The following SHANK2 variants were observed in gnomAD, a reference collection of about 807,000 sequenced individuals.
SHANK2 encodes the protein SH3 and multiple ankyrin repeat domains 2.
A neutral mutation model predicts 133.7 loss-of-function variants in SHANK2; 43 were observed. That is an observed-to-expected ratio of 0.32 (90% CI 0.25 to 0.41). SHANK2 has a LOEUF of 0.41. Ranked by LOEUF, SHANK2 falls within the 10% of genes least tolerant of loss-of-function variation. The pLI is 1.00. For missense variants in SHANK2, 1,994 were observed against 2,235.8 expected, an observed-to-expected ratio of 0.89 and a Z score of 2.18; for synonymous variants, 1,017 against 952.8, an observed-to-expected ratio of 1.07 and a Z score of -1.24.
At position 71,122,118 on chromosome 11, in the gene SHANK2, C is replaced by T. The variant is rs1446251281; in HGVS notation, c.208-3086G>A. Among the ~76,000 whole-genome samples, 12 of 152,276 alleles carry T rather than the reference C, an allele frequency of 7.9e-5. No homozygotes were observed. The South Asian group carries it at 1.7e-3, about 21-fold the overall frequency. On this transcript the variant is annotated intron_variant, in intron 3 of 25. Coordinates refer to ENST00000601538, the MANE Select transcript of SHANK2 (RefSeq NM_012309.5). ...CCTCAAGGATCTAGAACTAGCAATACCATTTGACCCAGTGATCCCATTACT... is the reference window on the plus strand; with the variant it reads ...CCTCAAGGATCTAGAACTAGCAATATCATTTGACCCAGTGATCCCATTACT...
At chr11:70,540,117 CCAATTTCCAAG>C in intron 17 of SHANK2, among the ~76,000 whole-genome samples, 1 of 152,296 alleles carries the variant, frequency 6.6e-6, no homozygotes, top group African/African-American at 2.4e-5. Flanking sequence ...TCGCAATGTC[CCAATTTCCAAG>C]CAAGACCTCA....
intron 2 of SHANK2, among the ~76,000 whole-genome samples, chr11:71,148,960 C>T (rs1176525252): frequency 7.1e-6 from 1 of 139,994 alleles, no homozygotes; most frequent in African/African-American, 3.1e-5. Flanking sequence ...AGTTCCCTCT[C>T]GGAGGAAGAC....
rs1017756912 is a variant in SHANK2 at position 71,198,478 on chromosome 11, A to G, written c.-13+26219T>C. On this transcript the variant is annotated intron_variant, in intron 2 of 25. Transcript: ENST00000601538. ...CGGGGCCTCCAAGAAGGGTTTCTGC[A>G]CCCTTGAGAAACAGCCCCACAGGAA... Among the ~76,000 whole-genome samples the G allele has an allele frequency of 3.9e-4, 60 of 152,110 alleles. 1 individual carries two copies. The highest frequency in any genetic ancestry group is 1.3e-3 in the African/African-American group (54 of 41,408).
intron 11 of SHANK2, among the ~76,000 whole-genome samples, chr11:70,870,711 T>C (rs1243979884): frequency 6.6e-6 from 1 of 152,206 alleles, no homozygotes; most frequent in African/African-American, 2.4e-5. Flanking sequence ...CACCCAGAGC[T>C]CTGCCTTCAT....
intron 14 of SHANK2, among the ~76,000 whole-genome samples, chr11:70,764,518 T>C (rs1443057313): frequency 7.2e-6 from 1 of 138,254 alleles, no homozygotes; most frequent in African/African-American, 2.7e-5. Flanking sequence ...TCTATCCATC[T>C]ATCCATTCAC....
intron 7 of SHANK2, 55 bp downstream of exon 7, chr11:71,094,482 G>A: frequency 1.3e-6 from 2 of 1,510,452 alleles, no homozygotes; most frequent in African/African-American, 1.4e-5. Context: ...GGATGGGGCA[G>A]CCGCACGGAA....
chr11:71,235,300 A>G (rs1555123557), intron 1 of SHANK2, among the ~76,000 whole-genome samples: 1 of 151,976 alleles, frequency 6.6e-6, no homozygotes, highest in East Asian at 1.9e-4. Flanking sequence ...GCTCTATAAA[A>G]ACTCTTGCAC....
At chr11:71,078,593 C>T (rs2135994003) in intron 8 of SHANK2, among the ~76,000 whole-genome samples, 1 of 152,290 alleles carries the variant, frequency 6.6e-6, no homozygotes, top group South Asian at 2.1e-4. Flanking sequence ...GGGACTCAGA[C>T]ACCGGACCAA....
At chr11:70,927,506 C>A (rs1555081800) in intron 10 of SHANK2, among the ~76,000 whole-genome samples, 1 of 151,886 alleles carries the variant, frequency 6.6e-6, no homozygotes, top group Non-Finnish European at 1.5e-5. Context: ...CGAGTCAACA[C>A]AAGGAAAAGA....
At chr11:70,943,421 C>T (rs1555084734) in intron 10 of SHANK2, among the ~76,000 whole-genome samples, 1 of 152,196 alleles carries the variant, frequency 6.6e-6, no homozygotes, top group Non-Finnish European at 1.5e-5. Flanking sequence ...CTTGAAGCAC[C>T]TTGAGAACTA....
chr11:70,688,396 G>A (rs1009523500), intron 15 of SHANK2, among the ~76,000 whole-genome samples: 2 of 152,272 alleles, frequency 1.3e-5, no homozygotes, highest in Middle Eastern at 3.4e-3. Context: ...TGGCCAGGTC[G>A]GAGCACACCT....
chr11:70,500,719 G>T lies in SHANK2; in HGVS notation c.2288-129C>A. 7.8e-7 allele frequency: 1 copy of T among 1,277,840 alleles called. No individual in the cohort carries two copies. Among genetic ancestry groups the T allele is most frequent in the Middle Eastern group, 1.8e-4 (1 of 5,446 alleles). 79.2% of individuals were successfully genotyped at this position (1,277,840 alleles called of 1,614,324 possible). ...GCCGGCAATGGGGCGGCAGGCAGGGGCTGTCTGGAACGCTGCGAACGCAGG... is the reference window on the plus strand; with the variant it reads ...GCCGGCAATGGGGCGGCAGGCAGGGTCTGTCTGGAACGCTGCGAACGCAGG... On this transcript the variant is annotated intron_variant, in intron 20 of 25. Coordinates refer to ENST00000601538, the MANE Select transcript of SHANK2 (RefSeq NM_012309.5). The surrounding 1 kb of genome is among the most constrained non-coding windows in gnomAD (Gnocchi z 4.5).
intron 4 of SHANK2, among the ~76,000 whole-genome samples, chr11:71,115,665 G>C (rs573487630): frequency 2.6e-5 from 4 of 152,100 alleles, no homozygotes; most frequent in Non-Finnish European, 5.9e-5. Flanking sequence ...GTCATGAATG[G>C]GAATCCGGGG....
chr11:71,201,302 T>G (rs1954015038), intron 2 of SHANK2, among the ~76,000 whole-genome samples: 1 of 152,230 alleles, frequency 6.6e-6, no homozygotes, highest in East Asian at 1.9e-4. Context: ...GCACCTCTTG[T>G]CTCATGGATA....
intron 10 of SHANK2, among the ~76,000 whole-genome samples, chr11:70,910,192 C>T (rs781866262): frequency 3.3e-5 from 5 of 152,172 alleles, no homozygotes; most frequent in Admixed American, 2.0e-4. Flanking sequence ...TTCAGAGGTA[C>T]TGAGGATTAG....
intron 17 of SHANK2, among the ~76,000 whole-genome samples, chr11:70,598,151 A>G (rs1394634793): frequency 6.6e-6 from 1 of 152,190 alleles, no homozygotes; most frequent in Non-Finnish European, 1.5e-5. Context: ...ACAGGGTCCC[A>G]TAGAGGGGCA....
At chr11:70,689,825 C>T (rs1945238026) in intron 15 of SHANK2, among the ~76,000 whole-genome samples, 1 of 152,132 alleles carries the variant, frequency 6.6e-6, no homozygotes, top group South Asian at 2.1e-4. Context: ...AATAGACAAA[C>T]ACAATAATAT....
At chr11:71,230,154 G>A (rs1340431268) in intron 1 of SHANK2, among the ~76,000 whole-genome samples, 1 of 152,100 alleles carries the variant, frequency 6.6e-6, no homozygotes, top group Non-Finnish European at 1.5e-5. Flanking sequence ...GCCAGGTGTG[G>A]TGACGCACAC....
At chr11:70,477,483 GGAAAAAAGAAA>G (rs1421216338) in intron 25 of SHANK2, 1 of 152,072 alleles carries the variant, frequency 6.6e-6, no homozygotes, top group African/African-American at 2.4e-5. Flanking sequence ...AAAATAACCA[GGAAAAAAGAAA>G]GAAAATAGTA....
Sources: gnomAD v4.1 joint callset for allele counts (sites outside exome capture counted in the v4.1 genomes callset) on GRCh38, gnomAD v4.1.1 for gene constraint, Gnocchi (gnomAD v3.1) non-coding constraint, MANE v1.5 for transcripts, NCBI Gene and HGNC (gene_info 2026-07-23, HGNC 2026-07-21) for gene names.